The following NINL variants were observed in gnomAD, a reference collection of about 807,000 sequenced individuals.
The protein encoded by NINL is ninein-like protein.
A neutral mutation model predicts 160.3 loss-of-function variants in NINL; 153 were observed. The ratio of observed to expected loss-of-function variants is 0.95; its 90% CI spans 0.84 to 1.09. The LOEUF is 1.09. Ranked by LOEUF, NINL falls within the 50% of genes least tolerant of loss-of-function variation. NINL has a pLI of 0.00. For synonymous variants in NINL, 800 were observed against 734.8 expected, an observed-to-expected ratio of 1.09 and a Z score of -1.43; for missense variants, 1,829 against 1,764.0, an observed-to-expected ratio of 1.04 and a Z score of -0.66.
intron 2 of NINL, among the ~76,000 whole-genome samples, chr20:25,520,505 C>T (rs2064244127): frequency 6.6e-6 from 1 of 152,128 alleles, no homozygotes; most frequent in African/African-American, 2.4e-5. Flanking sequence ...ATTTTCTGCC[C>T]CCCAGTTAAA....
rs116698304 is a variant in NINL at position 25,491,219 on chromosome 20, C to T, written c.1485+132G>A. 136 of 1,129,966 alleles carry T rather than the reference C, an allele frequency of 1.2e-4. 1 individual carries two copies. The African/African-American group carries it at 1.6e-3, about 13-fold the overall frequency. 70.0% of individuals were successfully genotyped at this position (1,129,966 alleles called of 1,614,324 possible). On this transcript the variant is annotated intron_variant, in intron 11 of 23. Coordinates refer to ENST00000278886, the MANE Select transcript of NINL (RefSeq NM_025176.6). ...CTCCTCACTGCAGCAGGTGCTCCCT[C>T]GGGCCCTGCCCTGAAACATAAGCTT...
At chr20:25,531,281 T>A (rs915137376) in intron 1 of NINL, among the ~76,000 whole-genome samples, 1 of 152,158 alleles carries the variant, frequency 6.6e-6, no homozygotes, top group Non-Finnish European at 1.5e-5. Flanking sequence ...TTCATATTGT[T>A]CAAACACACA....
At chr20:25,477,315 C>G (rs2063282931) in intron 16 of NINL, among the ~76,000 whole-genome samples, 3 of 152,352 alleles carry the variant, frequency 2.0e-5, no homozygotes, top group South Asian at 2.1e-4. Flanking sequence ...CATGGAAGCC[C>G]AAGCACGAAC....
intron 13 of NINL, among the ~76,000 whole-genome samples, chr20:25,487,966 G>A (rs532583124): frequency 2.0e-5 from 3 of 152,350 alleles, no homozygotes; most frequent in Admixed American, 6.5e-5. Context: ...CGGTCTCTGC[G>A]TGCTCAGGTG....
intron 2 of NINL, among the ~76,000 whole-genome samples, chr20:25,521,745 T>C (rs1299013065): frequency 1.3e-5 from 2 of 152,216 alleles, no homozygotes; most frequent in Non-Finnish European, 2.9e-5. Context: ...TGGGGTTGGT[T>C]TGTCAACCCT....
chr20:25,562,072 G>GT (rs1243578601), intron 1 of NINL, among the ~76,000 whole-genome samples: 3 of 146,928 alleles, frequency 2.0e-5, no homozygotes, highest in African/African-American at 5.0e-5. Context: ...CGGGAGGCAG[G>GT]TGGGGGGGTC....
intron 18 of NINL, among the ~76,000 whole-genome samples, chr20:25,469,213 T>G (rs1290477985): frequency 3.2e-5 from 3 of 94,700 alleles, no homozygotes; most frequent in African/African-American, 4.3e-5. Flanking sequence ...CTCTCACTGG[T>G]GGGCGCCCGC....
chr20:25,582,113 G>A (rs2065180945), intron 1 of NINL, among the ~76,000 whole-genome samples: 1 of 152,026 alleles, frequency 6.6e-6, no homozygotes, highest in Non-Finnish European at 1.5e-5. Context: ...AAATTAGCTG[G>A]GCATGGTGGT....
chr20:25,478,206 T>C (rs1190230669), intron 16 of NINL, among the ~76,000 whole-genome samples: 3 of 152,150 alleles, frequency 2.0e-5, no homozygotes, highest in African/African-American at 7.2e-5. Flanking sequence ...CGCCTTGGCC[T>C]CCCAAAGTGC....
chr20:25,551,070 G>A (rs1171575818), intron 1 of NINL, among the ~76,000 whole-genome samples: 1 of 152,204 alleles, frequency 6.6e-6, no homozygotes, highest in East Asian at 1.9e-4. Context: ...ACTTGAGAAT[G>A]GAGAATGGCA....
intron 1 of NINL, among the ~76,000 whole-genome samples, chr20:25,575,446 CA>C (rs1167252309): frequency 0.018 from 774 of 43,764 alleles, 1 homozygote; most frequent in South Asian, 0.04. Flanking sequence ...GACTCCGTCT[CA>C]AAAAAAAAAA....
chr20:25,578,155 T>A (rs8126111), intron 1 of NINL, among the ~76,000 whole-genome samples: 1 of 150,278 alleles, frequency 6.7e-6, no homozygotes, highest in African/African-American at 2.4e-5. Flanking sequence ...CTGGCGCCCA[T>A]GGAGTGCAGT....
At chr20:25,513,139 C>G in intron 3 of NINL, 133 bp from the exon 4 acceptor site, 1 of 796,996 alleles carries the variant, frequency 1.3e-6, no homozygotes, top group Non-Finnish European at 1.9e-6. Flanking sequence ...GCTCTGCACA[C>G]AGAAGCATCT....
At chr20:25,454,325 G>A (rs937889053) in intron 23 of NINL, among the ~76,000 whole-genome samples, 2 of 152,204 alleles carry the variant, frequency 1.3e-5, no homozygotes, top group Admixed American at 1.3e-4. Context: ...GGGAGCAGGC[G>A]CAGGACAGGC....
Position 25,477,098 on chromosome 20 carries a change from G to A in NINL, c.2202-9C>T, listed in dbSNP as rs2063276899. On this transcript the variant is annotated splice_polypyrimidine_tract_variant and intron_variant, in intron 16 of 23. Coordinates refer to ENST00000278886, the MANE Select transcript of NINL (RefSeq NM_025176.6). ...CCGCCTCAGCCTCTCTCCTGTGGAA[G>A]TAGAACCGTCACACACCACAGCCCT... The A allele has an allele frequency of 1.3e-6, 2 of 1,584,544 alleles. No homozygotes were observed. The highest frequency in any genetic ancestry group is 1.3e-5 in the African/African-American group (1 of 74,586).
chr20:25,529,417 T>C (rs1300807446), intron 1 of NINL, among the ~76,000 whole-genome samples: 1 of 152,200 alleles, frequency 6.6e-6, no homozygotes, highest in Non-Finnish European at 1.5e-5. Flanking sequence ...AACCGGTTCA[T>C]AGTCTCAGAG....
At chr20:25,462,180 C>T (rs952531362) in intron 20 of NINL, among the ~76,000 whole-genome samples, 5 of 152,246 alleles carry the variant, frequency 3.3e-5, no homozygotes, top group African/African-American at 1.2e-4. Context: ...CCTCTGTCAG[C>T]AGCATATAAA....
chr20:25,568,243 A>G (rs1043715821), intron 1 of NINL, among the ~76,000 whole-genome samples: 6 of 151,674 alleles, frequency 4.0e-5, no homozygotes, highest in Non-Finnish European at 7.4e-5. Flanking sequence ...AAAAAAAAAA[A>G]GACAAACTGC....
intron 1 of NINL, among the ~76,000 whole-genome samples, chr20:25,527,396 G>T (rs951298103): frequency 6.6e-6 from 1 of 152,022 alleles, no homozygotes; most frequent in Non-Finnish European, 1.5e-5. Flanking sequence ...TCAAGTGATC[G>T]CCTGCCTTGG....
Sources: gnomAD v4.1 joint callset for allele counts (sites outside exome capture counted in the v4.1 genomes callset) on GRCh38, gnomAD v4.1.1 for gene constraint, MANE v1.5 for transcripts, NCBI Gene and HGNC (gene_info 2026-07-23, HGNC 2026-07-21) for gene names.